SUGCT: variants seen among roughly 807,000 people sequenced by gnomAD.
The protein encoded by SUGCT is succinyl-CoA:glutarate-CoA transferase.
In SUGCT, 41 loss-of-function variants were observed where a neutral mutation model predicts 55.0. The ratio of observed to expected loss-of-function variants is 0.74; its 90% CI spans 0.58 to 0.97. The LOEUF is 0.97. Among genes scored for constraint, SUGCT ranks in the 50% least tolerant of loss-of-function variants. The pLI is 0.00. For synonymous variants in SUGCT, 187 were observed against 200.4 expected, an observed-to-expected ratio of 0.93 and a Z score of 0.56; for missense variants, 568 against 547.8, an observed-to-expected ratio of 1.04 and a Z score of -0.37.
In SUGCT at chr7:40,545,867, G is replaced by C. The variant is rs548525039; in HGVS notation, c.1089+49481G>C. Among the ~76,000 whole-genome samples the C allele has an allele frequency of 3.3e-5, 5 of 152,300 alleles. No individual in the cohort carries two copies. In the South Asian group the frequency reaches 1.0e-3, roughly 32 times the overall value. On this transcript the variant is annotated intron_variant, in intron 12 of 13. Transcript: ENST00000335693. ...TGATGGGGATGAAGATGGCATTAAT[G>C]AATGTGATTCAAACAATGCACTCTC...
At chr7:40,952,439 T>C in the SUGCT span, among the ~76,000 whole-genome samples, 1 of 152,214 alleles carries the variant, frequency 6.6e-6, no homozygotes, top group East Asian at 1.9e-4. Flanking sequence ...AATTGGAGCA[T>C]TTAGCCCATT....
intron 7 of SUGCT, among the ~76,000 whole-genome samples, chr7:40,263,695 A>T (rs2150968469): frequency 6.6e-6 from 1 of 152,334 alleles, no homozygotes; most frequent in South Asian, 2.1e-4. Flanking sequence ...GTATAGTATT[A>T]CAAAGACATT....
intron 13 of SUGCT, among the ~76,000 whole-genome samples, chr7:40,840,524 T>C (rs1793223232): frequency 6.8e-6 from 1 of 148,004 alleles, no homozygotes; most frequent in Non-Finnish European, 1.5e-5. Flanking sequence ...AATGAAAATA[T>C]AACATGTCAA....
intron 9 of SUGCT, among the ~76,000 whole-genome samples, chr7:40,440,792 G>A (rs1204650484): frequency 6.6e-6 from 1 of 152,004 alleles, no homozygotes; most frequent in Non-Finnish European, 1.5e-5. Flanking sequence ...TTGAAGCCAG[G>A]ATTTTGAGAC....
chr7:40,822,532 C>T (rs138234592), intron 13 of SUGCT, among the ~76,000 whole-genome samples: 1,899 of 152,128 alleles, frequency 0.012, 28 homozygotes, highest in Non-Finnish European at 0.022. Flanking sequence ...CCTTCTTTGT[C>T]CCTTTTGATC....
chr7:40,919,207 AC>A, the SUGCT span, among the ~76,000 whole-genome samples: 1 of 152,126 alleles, frequency 6.6e-6, no homozygotes, highest in South Asian at 2.1e-4. Flanking sequence ...TCAGGCTTCC[AC>A]TCATTTGCTC....
At chr7:40,684,149 C>T in intron 12 of SUGCT, 2 of 1,582,400 alleles carry the variant, frequency 1.3e-6, no homozygotes, top group Non-Finnish European at 1.7e-6. Flanking sequence ...TTGAGCCCTT[C>T]TCTTACTACA....
chr7:40,875,499 CT>C, the SUGCT span, among the ~76,000 whole-genome samples: 1 of 152,194 alleles, frequency 6.6e-6, no homozygotes, highest in Non-Finnish European at 1.5e-5. Flanking sequence ...ATTTTTCCTT[CT>C]CCTCTCCAAC....
intron 12 of SUGCT, among the ~76,000 whole-genome samples, chr7:40,613,693 C>T (rs1035140417): frequency 2.6e-5 from 4 of 152,078 alleles, no homozygotes; most frequent in African/African-American, 7.2e-5. Flanking sequence ...TCACCGCAAC[C>T]TCCGCCTCCC....
intron 7 of SUGCT, among the ~76,000 whole-genome samples, chr7:40,266,340 A>G (rs1446973143): frequency 1.3e-5 from 2 of 151,036 alleles, no homozygotes; most frequent in African/African-American, 2.4e-5. Context: ...GTAGAGAGGG[A>G]GTTTCTCCAT....
chr7:40,254,111 A>G (rs545511030), intron 7 of SUGCT, among the ~76,000 whole-genome samples: 3 of 152,284 alleles, frequency 2.0e-5, no homozygotes, highest in East Asian at 3.9e-4. Flanking sequence ...CTTATATTTG[A>G]CCCCTAAATG....
At chr7:40,905,999 C>T in the SUGCT span, among the ~76,000 whole-genome samples, 4 of 152,278 alleles carry the variant, frequency 2.6e-5, no homozygotes, top group Middle Eastern at 3.4e-3. Context: ...GCTGGGATTA[C>T]AGGCATGAGC....
chr7:40,272,341 T>C (rs1028525638), intron 7 of SUGCT, among the ~76,000 whole-genome samples: 4 of 149,680 alleles, frequency 2.7e-5, no homozygotes, highest in Non-Finnish European at 5.9e-5. Flanking sequence ...CATGCCCGGC[T>C]AATTTTTGTA....
the SUGCT span, among the ~76,000 whole-genome samples, chr7:40,929,633 T>C: frequency 6.6e-6 from 1 of 152,224 alleles, no homozygotes; most frequent in Non-Finnish European, 1.5e-5. Context: ...TGAGATGGTA[T>C]CTCACTGTGG....
chr7:40,944,841 T>C, the SUGCT span, among the ~76,000 whole-genome samples: 1 of 152,164 alleles, frequency 6.6e-6, no homozygotes, highest in African/African-American at 2.4e-5. Flanking sequence ...TGGTTACAGT[T>C]TATTGAAACT....
At chr7:40,978,685 C>T in the SUGCT span, among the ~76,000 whole-genome samples, 7 of 152,076 alleles carry the variant, frequency 4.6e-5, no homozygotes. Flanking sequence ...AAGCCAAAGC[C>T]AAGAGCATGA....
rs1302987053 is a variant in SUGCT, at chr7:40,182,580, G to GA, written c.226+560dup. Among the ~76,000 whole-genome samples, 565 of 147,274 alleles carry GA rather than the reference G, an allele frequency of 3.8e-3. 4 individuals are homozygous for GA. The highest frequency in any genetic ancestry group is 0.014 in the African/African-American group (542 of 39,582). On this transcript the variant is annotated intron_variant, in intron 3 of 13. Transcript: ENST00000335693. ...CCGTTTCAAAAAAAAAAAAAAAAAT[G>GA]AAAAAAAAGGGACTGAGATGCAGCG...
At chr7:40,729,517 T>G (rs1786785654) in intron 12 of SUGCT, among the ~76,000 whole-genome samples, 1 of 152,122 alleles carries the variant, frequency 6.6e-6, no homozygotes, top group Non-Finnish European at 1.5e-5. Flanking sequence ...GTAGAGGTGG[T>G]GGTGAGTGGA....
intron 13 of SUGCT, among the ~76,000 whole-genome samples, chr7:40,851,852 A>C (rs931141900): frequency 2.0e-5 from 3 of 152,228 alleles, no homozygotes; most frequent in African/African-American, 7.2e-5. Flanking sequence ...TGGACATAAA[A>C]TGTTTTTGAT....
Sources: gnomAD v4.1 joint callset for allele counts (sites outside exome capture counted in the v4.1 genomes callset) on GRCh38, gnomAD v4.1.1 for gene constraint, MANE v1.5 for transcripts, NCBI Gene and HGNC (gene_info 2026-07-23, HGNC 2026-07-21) for gene names.